TMC1: variants seen among roughly 807,000 people sequenced by gnomAD.
TMC1 encodes the protein transmembrane channel-like protein 1.
A neutral mutation model predicts 105.8 loss-of-function variants in TMC1; 84 were observed. The observed-to-expected ratio is 0.79, with a 90% CI of 0.67 to 0.95. TMC1 has a LOEUF of 0.95. TMC1 is among the 40% of genes least tolerant of loss of function. TMC1 has a pLI of 0.00. For synonymous variants in TMC1, 315 were observed against 311.5 expected (o/e 1.01, Z -0.12); for missense variants, 817 against 914.1 (o/e 0.89, Z 1.37).
chr9:72,758,946 A>G (rs1827712209), intron 12 of TMC1, among the ~76,000 whole-genome samples: 1 of 152,188 alleles, frequency 6.6e-6, no homozygotes, highest in South Asian at 2.1e-4. Context: ...TTGTTTCAGT[A>G]TGCATCAAGA....
At chr9:72,696,237 G>A (rs761938530) in intron 7 of TMC1, among the ~76,000 whole-genome samples, 1 of 152,178 alleles carries the variant, frequency 6.6e-6, no homozygotes, top group Non-Finnish European at 1.5e-5. Flanking sequence ...GAAGCAACTG[G>A]ATCCTGTGGC....
At chr9:72,626,029 C>A (rs146146098) in intron 3 of TMC1, among the ~76,000 whole-genome samples, 25 of 152,258 alleles carry the variant, frequency 1.6e-4, no homozygotes, top group Non-Finnish European at 3.2e-4. Context: ...CATGAGGCCA[C>A]TGCATAGAGT....
At chr9:72,723,981 C>T (rs1029895511) in intron 8 of TMC1, among the ~76,000 whole-genome samples, 4 of 152,174 alleles carry the variant, frequency 2.6e-5, no homozygotes, top group African/African-American at 7.2e-5. Flanking sequence ...ATCTCAAGCA[C>T]ATGGCCTAGT....
At chr9:72,556,532 T>A (rs148895035) in intron 1 of TMC1, among the ~76,000 whole-genome samples, 6 of 151,748 alleles carry the variant, frequency 4.0e-5, no homozygotes, top group Non-Finnish European at 7.4e-5. Context: ...AAAACATTGG[T>A]TCTCAGACGG....
At chr9:72,666,400 C>T (rs1394313111) in intron 5 of TMC1, among the ~76,000 whole-genome samples, 2 of 152,186 alleles carry the variant, frequency 1.3e-5, no homozygotes, top group African/African-American at 4.8e-5. Flanking sequence ...CCTGGCAAAT[C>T]TCTGTTCCCT....
rs183634026 is a variant in TMC1 at position 72,584,691 on chromosome 9, T to A, written c.-306+6668T>A. The stretch of plus-strand genomic sequence containing the variant: ...TTATTTAGAGGTGAGGCGAGTAGAA[T>A]TTTTTTAAGGGAACTTCTGGGTAAT... On this transcript the variant is annotated intron_variant, in intron 2 of 23. Coordinates refer to ENST00000297784, the MANE Select transcript of TMC1 (RefSeq NM_138691.3). Among the ~76,000 whole-genome samples, 20 of 152,192 alleles carry A rather than the reference T, an allele frequency of 1.3e-4. No individual in the cohort carries two copies. In the East Asian group the frequency reaches 3.7e-3, roughly 28 times the overall value.
intron 3 of TMC1, among the ~76,000 whole-genome samples, chr9:72,618,737 A>G (rs546630998): frequency 6.6e-6 from 1 of 152,278 alleles, no homozygotes; most frequent in Non-Finnish European, 1.5e-5. Flanking sequence ...ATATGGATGC[A>G]CAGCTATTAG....
intron 13 of TMC1, 57 bp downstream of exon 13, chr9:72,772,612 G>T: frequency 6.2e-7 from 1 of 1,605,190 alleles, no homozygotes; most frequent in Non-Finnish European, 8.5e-7. Flanking sequence ...CAAATGGAGG[G>T]ATTAATTTGG....
rs144221827 is a variant in TMC1, at chr9:72,546,005, G to A, written c.-428+24092G>A. Among the ~76,000 whole-genome samples the A allele has an allele frequency of 4.6e-3, 694 of 151,806 alleles. 2 individuals carry two copies. Among genetic ancestry groups the A allele is most frequent in the African/African-American group, 0.016 (657 of 41,394 alleles). On this transcript the variant is annotated intron_variant, in intron 1 of 23. Transcript: ENST00000297784. ...TAATCATAAATTGATGGTACAGACT[G>A]GGTGCAGTGGCTCACAACTGTAATC... is the stretch of plus-strand genomic sequence containing the variant.
intron 2 of TMC1, among the ~76,000 whole-genome samples, chr9:72,610,358 C>T (rs112787336): frequency 1.3e-3 from 192 of 152,230 alleles, no homozygotes; most frequent in African/African-American, 4.4e-3. Flanking sequence ...TACCTACAGT[C>T]GGCAAGCTAG....
chr9:72,799,858 A>T (rs1828440939), intron 17 of TMC1, among the ~76,000 whole-genome samples: 1 of 152,098 alleles, frequency 6.6e-6, no homozygotes, highest in African/African-American at 2.4e-5. Context: ...ATTATTGTGG[A>T]TTATGTGAGC....
At chr9:72,748,188 C>G (rs1239829831) in intron 10 of TMC1, among the ~76,000 whole-genome samples, 1 of 152,134 alleles carries the variant, frequency 6.6e-6, no homozygotes, top group Non-Finnish European at 1.5e-5. Context: ...TCAAGACTGC[C>G]TGGTTTAGAA....
chr9:72,612,793 G>A (rs1224313278), intron 2 of TMC1, among the ~76,000 whole-genome samples: 2 of 152,044 alleles, frequency 1.3e-5, no homozygotes, highest in Non-Finnish European at 2.9e-5. Context: ...AGACATTTTT[G>A]GTTGTCACAA....
At chr9:72,590,018 G>A (rs1824611084) in intron 2 of TMC1, among the ~76,000 whole-genome samples, 1 of 152,182 alleles carries the variant, frequency 6.6e-6, no homozygotes, top group South Asian at 2.1e-4. Context: ...GACTTATCTT[G>A]TGATCTCTGT....
At chr9:72,813,758 T>C (rs982779394) in intron 18 of TMC1, among the ~76,000 whole-genome samples, 1 of 152,270 alleles carries the variant, frequency 6.6e-6, no homozygotes, top group East Asian at 1.9e-4. Flanking sequence ...TTGATTTATG[T>C]GTCAGGAAAC....
At chr9:72,793,968 C>T (rs1828321080) in intron 17 of TMC1, among the ~76,000 whole-genome samples, 1 of 152,158 alleles carries the variant, frequency 6.6e-6, no homozygotes, top group Admixed American at 6.5e-5. Flanking sequence ...GCCCTTGCTA[C>T]CCTTGGACTA....
intron 23 of TMC1, 53 bp downstream of exon 23, chr9:72,830,735 T>TTTA: frequency 2.7e-6 from 4 of 1,477,620 alleles, no homozygotes; most frequent in Non-Finnish European, 3.7e-6. Context: ...TTTCTTTTTC[T>TTTA]TTCTTTTTTT....
At chr9:72,599,526 C>T (rs1824772079) in intron 2 of TMC1, among the ~76,000 whole-genome samples, 2 of 152,146 alleles carry the variant, frequency 1.3e-5, no homozygotes, top group Admixed American at 6.6e-5. Context: ...ACCAGGAGTC[C>T]AAATTGAAGT....
chr9:72,740,119 G>A lies in TMC1; in HGVS notation c.363G>A (p.Lys121=). 2 of 1,613,056 alleles carry A rather than the reference G, an allele frequency of 1.2e-6. No homozygotes were observed. The highest frequency in any genetic ancestry group is 2.2e-5 in the South Asian group (2 of 91,046). ...WKMEKKIEVL[K]EAKKFVSENE... ...CCTTATGTTATTTTTATTTTCTCAGGGAGGCAAAAAAATTTGTGAGTGAAA... is the reference window on the plus strand; with the variant it reads ...CCTTATGTTATTTTTATTTTCTCAGAGAGGCAAAAAAATTTGTGAGTGAAA... Residue 121 remains lysine (K), a splice_region_variant and synonymous_variant, in exon 9 of 24, where the codon AAG becomes AAA. Coordinates refer to ENST00000297784, the MANE Select transcript of TMC1 (RefSeq NM_138691.3).
Sources: gnomAD v4.1 joint callset for allele counts (sites outside exome capture counted in the v4.1 genomes callset) on GRCh38, gnomAD v4.1.1 for gene constraint, MANE v1.5 for transcripts, NCBI Gene and HGNC (gene_info 2026-07-23, HGNC 2026-07-21) for gene names.